CAST: variants seen among roughly 807,000 people sequenced by gnomAD.
CAST encodes the protein MIR583 host.
In CAST, 76 loss-of-function variants were observed where a neutral mutation model predicts 119.6. That is an observed-to-expected ratio of 0.64 (90% CI 0.53 to 0.77). The LOEUF (loss-of-function observed/expected upper bound fraction) is 0.77. Ranked by LOEUF, CAST falls within the 30% of genes least tolerant of loss-of-function variation. The pLI is 0.00. For missense variants in CAST, 953 were observed against 946.5 expected, an observed-to-expected ratio of 1.01 and a Z score of -0.09; for synonymous variants, 319 against 331.6, an observed-to-expected ratio of 0.96 and a Z score of 0.41.
chr5:96,750,613 TG>T lies in CAST; in HGVS notation c.1456del (p.Val486CysfsTer23). Reference sequence around the variant, plus strand: ...AATCTAAGGCCGCTGCTCCAGCTCCTGTGTCGGAGGCTGTGTGTCGGACCTC... The same window carrying T: ...AATCTAAGGCCGCTGCTCCAGCTCCTTGTCGGAGGCTGTGTGTCGGACCTC... The part of the protein sequence containing the change: ...EESKAAAPAP[V>X]SEAVCRTSMC... On this transcript the variant is annotated frameshift_variant, in exon 20 of 32. Coordinates refer to ENST00000675179, the MANE Select transcript of CAST (RefSeq NM_001750.7). LOFTEE classifies it high-confidence loss of function. 1 of 1,613,068 alleles carries T rather than the reference TG, an allele frequency of 6.2e-7. No individual in the cohort carries two copies. The highest frequency in any genetic ancestry group is 2.2e-5 in the East Asian group (1 of 44,866).
chr5:96,738,266 G>A (rs1298820720), intron 11 of CAST, among the ~76,000 whole-genome samples: 2 of 152,072 alleles, frequency 1.3e-5, no homozygotes, highest in East Asian at 1.9e-4. Flanking sequence ...AGGTTGCAGC[G>A]AGCTGAGATC....
chr5:96,565,252 TAG>T (rs1746445729), intron 1 of CAST, among the ~76,000 whole-genome samples: 1 of 152,010 alleles, frequency 6.6e-6, no homozygotes, highest in Non-Finnish European at 1.5e-5. Flanking sequence ...ATATATCATA[TAG>T]AGAGGATTTT....
the CAST span, among the ~76,000 whole-genome samples, chr5:96,463,712 C>T: frequency 6.6e-6 from 1 of 151,868 alleles, no homozygotes; most frequent in African/African-American, 2.4e-5. Context: ...GAAGGTGGTA[C>T]CCCAATTAAA....
the CAST span, among the ~76,000 whole-genome samples, chr5:96,190,252 C>A: frequency 1.3e-5 from 2 of 152,072 alleles, no homozygotes; most frequent in Non-Finnish European, 2.9e-5. Context: ...TAGGTGCCTG[C>A]GCTGGTTTTA....
At chr5:96,160,292 A>G in the CAST span, among the ~76,000 whole-genome samples, 1 of 152,070 alleles carries the variant, frequency 6.6e-6, no homozygotes, top group African/African-American at 2.4e-5. Context: ...AGCCCCTGGT[A>G]GCCACCAGAT....
chr5:96,551,534 C>A (rs1012489275), intron 1 of CAST, among the ~76,000 whole-genome samples: 1 of 152,092 alleles, frequency 6.6e-6, no homozygotes, highest in Non-Finnish European at 1.5e-5. Context: ...AACCAGCTAG[C>A]ATCACAATGA....
the CAST span, among the ~76,000 whole-genome samples, chr5:96,188,432 AAACACTACTC>A: frequency 3.3e-5 from 5 of 152,120 alleles, no homozygotes; most frequent in African/African-American, 1.2e-4. Context: ...TAACCTATTG[AAACACTACTC>A]AACTTTTTTC....
At chr5:96,200,671 A>G in the CAST span, among the ~76,000 whole-genome samples, 2 of 152,118 alleles carry the variant, frequency 1.3e-5, no homozygotes, top group African/African-American at 4.8e-5. Context: ...AAGGATGCTC[A>G]ACTCTGGAAT....
the CAST span, among the ~76,000 whole-genome samples, chr5:96,282,310 G>T: frequency 1.3e-5 from 2 of 152,154 alleles, no homozygotes; most frequent in Non-Finnish European, 2.9e-5. Context: ...TCAACTGAGA[G>T]GCAAAATTCA....
At chr5:96,309,881 C>T in the CAST span, among the ~76,000 whole-genome samples, 3 of 152,314 alleles carry the variant, frequency 2.0e-5, no homozygotes, top group Admixed American at 1.3e-4. Context: ...AGCTACAGAC[C>T]GGAGCTGTTC....
chr5:95,989,656 A>G, the CAST span, among the ~76,000 whole-genome samples: 3 of 152,196 alleles, frequency 2.0e-5, no homozygotes, highest in Non-Finnish European at 4.4e-5. Flanking sequence ...TCTTCCAGGG[A>G]TATGAAATGT....
intron 1 of CAST, among the ~76,000 whole-genome samples, chr5:96,643,555 T>C (rs948101033): frequency 1.9e-4 from 29 of 151,870 alleles, no homozygotes; most frequent in African/African-American, 6.3e-4. Context: ...CTGACCAACA[T>C]GGTAAAACCC....
the CAST span, among the ~76,000 whole-genome samples, chr5:96,356,679 T>TTGAGG: frequency 6.6e-6 from 1 of 152,208 alleles, no homozygotes; most frequent in Admixed American, 6.5e-5. Flanking sequence ...TCTGTTCTGT[T>TTGAGG]CCATTGGTTA....
At chr5:96,294,831 A>C in the CAST span, among the ~76,000 whole-genome samples, 1 of 152,206 alleles carries the variant, frequency 6.6e-6, no homozygotes, top group Non-Finnish European at 1.5e-5. Flanking sequence ...AGGCCTTCTC[A>C]CTTGATGTTA....
chr5:96,514,925 T>C, the CAST span, among the ~76,000 whole-genome samples: 1 of 152,168 alleles, frequency 6.6e-6, no homozygotes, highest in East Asian at 1.9e-4. Context: ...CTAATTTTTG[T>C]ATTTTTAGTA....
chr5:96,764,390 A>G (rs1473615874), intron 25 of CAST, among the ~76,000 whole-genome samples: 1 of 152,206 alleles, frequency 6.6e-6, no homozygotes, highest in East Asian at 1.9e-4. Flanking sequence ...TGTTAGAGGA[A>G]ATAAGCTATC....
Position 96,741,559 on chromosome 5 carries a change from G to C in CAST, c.1077G>C (p.Glu359Asp). ...GTVRSAAPPQ[E>D]KKRKVEKDTM... The stretch of plus-strand genomic sequence containing the variant: ...TCAGAAGTGCTGCTCCACCCCAAGA[G>C]AAGAAAAGAAAGGTGGAGAAGGTAT... Residue 359 changes from glutamate (E) to aspartate (D), a missense_variant, in exon 15 of 32, where the codon GAG (glutamate) becomes GAC (aspartate). Transcript: ENST00000675179. 1 of 1,613,158 alleles carries C rather than the reference G, an allele frequency of 6.2e-7. No individual in the cohort carries two copies. The highest frequency in any genetic ancestry group is 1.1e-5 in the South Asian group (1 of 91,032).
At chr5:96,688,617 T>G (rs1245218626) in intron 2 of CAST, among the ~76,000 whole-genome samples, 1 of 152,202 alleles carries the variant, frequency 6.6e-6, no homozygotes, top group Non-Finnish European at 1.5e-5. Flanking sequence ...AAATGTAAGA[T>G]TACAATTCTA....
chr5:96,774,504 TTTA>T lies in CAST; in HGVS notation c.*1893_*1895del, dbSNP rs1773622161. The T allele has an allele frequency of 1.0e-6, 1 of 986,570 alleles. No individual in the cohort carries two copies. The highest frequency in any genetic ancestry group is 1.2e-6 in the Non-Finnish European group (1 of 829,752). The allele number at this position is 986,570 out of a possible 1,614,324, so 61.1% of individuals were successfully genotyped here. On this transcript the variant is annotated 3_prime_UTR_variant, in exon 32 of 32. Transcript: ENST00000675179. ...TCCACTTAGAGGCAAAGAACAATTTTTTATTATCAAAAAGGTTTCTGCACATTG... is the reference window on the plus strand; with the variant it reads ...TCCACTTAGAGGCAAAGAACAATTTTTTATCAAAAAGGTTTCTGCACATTG...
Sources: gnomAD v4.1 joint callset for allele counts (sites outside exome capture counted in the v4.1 genomes callset) on GRCh38, gnomAD v4.1.1 for gene constraint, MANE v1.5 for transcripts, NCBI Gene and HGNC (gene_info 2026-07-23, HGNC 2026-07-21) for gene names.